CSMD1: variants seen among roughly 807,000 people sequenced by gnomAD.
CSMD1 encodes CUB and sushi domain-containing protein 1.
In CSMD1, 213 loss-of-function variants were observed where a neutral mutation model predicts 417.5. The observed-to-expected ratio is 0.51, with a 90% CI of 0.46 to 0.57. The LOEUF (loss-of-function observed/expected upper bound fraction) is 0.57, where lower values mean the gene tolerates loss of function less well. Ranked by LOEUF, CSMD1 falls within the 20% of genes least tolerant of loss-of-function variation. The pLI is 0.00. For missense variants in CSMD1, 6,923 were observed against 4,529.7 expected, an observed-to-expected ratio of 1.53 and a Z score of -15.17; for synonymous variants, 2,862 against 1,736.8, an observed-to-expected ratio of 1.65 and a Z score of -16.11.
At chr8:3,043,030 T>C (rs1811212429) in intron 50 of CSMD1, among the ~76,000 whole-genome samples, 1 of 151,458 alleles carries the variant, frequency 6.6e-6, no homozygotes. Context: ...ATACTAGATA[T>C]GACCTAGTAC....
chr8:3,726,801 G>A (rs1033577083), intron 6 of CSMD1, among the ~76,000 whole-genome samples: 1 of 152,066 alleles, frequency 6.6e-6, no homozygotes, highest in Non-Finnish European at 1.5e-5. Context: ...AATGAGTTGT[G>A]CAAATATCTA....
chr8:3,444,014 T>G (rs1815153452), intron 12 of CSMD1, among the ~76,000 whole-genome samples: 1 of 152,078 alleles, frequency 6.6e-6, no homozygotes, highest in Admixed American at 6.6e-5. Context: ...GAAAAAACCT[T>G]GCAGTGCTGA....
chr8:4,229,910 A>G (rs915550209), intron 3 of CSMD1, among the ~76,000 whole-genome samples: 1 of 152,190 alleles, frequency 6.6e-6, no homozygotes, highest in African/African-American at 2.4e-5. Context: ...ATACTCAATA[A>G]TATTTGTTGA....
At chr8:4,416,271 G>A (rs895773029) in intron 3 of CSMD1, among the ~76,000 whole-genome samples, 1 of 152,026 alleles carries the variant, frequency 6.6e-6, no homozygotes, top group African/African-American at 2.4e-5. Context: ...AAAGCTACTG[G>A]ATCATAAAGA....
intron 5 of CSMD1, among the ~76,000 whole-genome samples, chr8:3,943,753 A>C (rs1811048510): frequency 2.0e-5 from 3 of 152,196 alleles, no homozygotes; most frequent in African/African-American, 7.2e-5. Flanking sequence ...TCTAATCACA[A>C]AGAAACAGTT....
At chr8:4,933,822 T>C (rs550757883) in intron 1 of CSMD1, among the ~76,000 whole-genome samples, 194 of 152,302 alleles carry the variant, frequency 1.3e-3, no homozygotes, top group Middle Eastern at 6.8e-3. Context: ...CCGATACATT[T>C]ATTTTGATTA....
chr8:4,267,851 T>C (rs1045419516), intron 3 of CSMD1, among the ~76,000 whole-genome samples: 2 of 152,140 alleles, frequency 1.3e-5, no homozygotes, highest in East Asian at 1.9e-4. Flanking sequence ...GCTTGAATTA[T>C]TGTCATAGCC....
intron 3 of CSMD1, among the ~76,000 whole-genome samples, chr8:4,328,469 A>G (rs11778035): frequency 0.13 from 19,751 of 152,016 alleles, 1,544 homozygotes; most frequent in Middle Eastern, 0.2. Context: ...GGTAACAGTT[A>G]ACAGGGGACT....
intron 21 of CSMD1, among the ~76,000 whole-genome samples, chr8:3,352,639 A>G (rs1808493185): frequency 6.6e-6 from 1 of 152,200 alleles, no homozygotes; most frequent in Admixed American, 6.5e-5. Context: ...CAGGAGTTCA[A>G]GACCAGCCTG....
At chr8:3,607,932 G>A (rs547060004) in intron 8 of CSMD1, among the ~76,000 whole-genome samples, 2 of 152,304 alleles carry the variant, frequency 1.3e-5, no homozygotes, top group Non-Finnish European at 1.5e-5. Flanking sequence ...CACTTTGGGA[G>A]GCCAAGGCAG....
chr8:3,415,465 C>A (rs1334490350), intron 12 of CSMD1, among the ~76,000 whole-genome samples: 1 of 152,192 alleles, frequency 6.6e-6, no homozygotes, highest in East Asian at 1.9e-4. Flanking sequence ...TCAAGAGATT[C>A]TCTTGGCTCA....
Position 4,696,521 on chromosome 8 carries a change from T to C in CSMD1, c.86-58963A>G, listed in dbSNP as rs902706013. ...TGTAGAGGAAAACAGGTCTTAAACA[T>C]TATCCTACCCTGGAAGCCCCTAATA... On this transcript the variant is annotated intron_variant, in intron 1 of 69. Transcript: ENST00000635120. Among the ~76,000 whole-genome samples, 14 of 152,198 alleles carry C rather than the reference T, an allele frequency of 9.2e-5. 1 individual carries two copies. Among genetic ancestry groups the C allele is most frequent in the African/African-American group, 3.4e-4 (14 of 41,460 alleles).
In CSMD1 at chr8:4,687,903, C is replaced by T. The variant is rs1005357543; in HGVS notation, c.86-50345G>A. ...CTGTGTCAGGAGCCAATCTGGATAA[C>T]GACATGTCATATGTGAATTGTGATG... On this transcript the variant is annotated intron_variant, in intron 1 of 69. Coordinates refer to ENST00000635120, the MANE Select transcript of CSMD1 (RefSeq NM_033225.6). Among the ~76,000 whole-genome samples the T allele has an allele frequency of 7.2e-5, 11 of 152,040 alleles. No individual in the cohort carries two copies. In the South Asian group the frequency reaches 1.0e-3, roughly 14 times the overall value.
At chr8:3,729,392 G>C (rs888434688) in intron 6 of CSMD1, among the ~76,000 whole-genome samples, 4 of 152,162 alleles carry the variant, frequency 2.6e-5, no homozygotes, top group African/African-American at 9.7e-5. Context: ...GTTGTGCTCA[G>C]TCAGTTCTTA....
At chr8:3,662,777 G>C (rs1052523027) in intron 7 of CSMD1, among the ~76,000 whole-genome samples, 4 of 151,972 alleles carry the variant, frequency 2.6e-5, no homozygotes, top group Non-Finnish European at 4.4e-5. Context: ...CTCATAAGTG[G>C]GGTTGAACAA....
rs376554150 is a variant in CSMD1 at position 3,259,657 on chromosome 8, C to G, written c.4153+24487G>C. ...TTTTAATATGTATACAAGTGAAATA[C>G]TGGAGTTTCTACCCCATCCTGAAAT... On this transcript the variant is annotated intron_variant, in intron 26 of 69. Transcript: ENST00000635120. 5.9e-5 allele frequency among the ~76,000 whole-genome samples: 9 copies of G among 152,092 alleles called. No individual in the cohort carries two copies. In the East Asian group the frequency reaches 1.5e-3, roughly 26 times the overall value.
intron 5 of CSMD1, among the ~76,000 whole-genome samples, chr8:3,763,374 G>C (rs899670748): frequency 2.6e-5 from 4 of 152,088 alleles, no homozygotes; most frequent in African/African-American, 9.7e-5. Context: ...ATGAATGGCT[G>C]GTGCCTTCCC....
chr8:4,935,369 T>C (rs1585361853), intron 1 of CSMD1, among the ~76,000 whole-genome samples: 3 of 152,328 alleles, frequency 2.0e-5, no homozygotes, highest in Admixed American at 1.3e-4. Flanking sequence ...TGTGTATCCT[T>C]ACCTCCTGCA....
intron 3 of CSMD1, among the ~76,000 whole-genome samples, chr8:4,388,371 C>A (rs1172120913): frequency 6.7e-6 from 1 of 149,932 alleles, no homozygotes; most frequent in Admixed American, 6.6e-5. Flanking sequence ...TGCTACTCAG[C>A]CATAAAAATG....
Sources: gnomAD v4.1 joint callset for allele counts (sites outside exome capture counted in the v4.1 genomes callset) on GRCh38, gnomAD v4.1.1 for gene constraint, MANE v1.5 for transcripts, NCBI Gene and HGNC (gene_info 2026-07-23, HGNC 2026-07-21) for gene names.